Variants in WDFY3 observed in about 807,000 individuals in gnomAD.
WDFY3 encodes the protein WD repeat and FYVE domain containing 3.
WDFY3 carries 66 observed loss-of-function variants against 409.6 expected under a neutral mutation model. The ratio of observed to expected loss-of-function variants is 0.16; its 90% CI spans 0.13 to 0.20. The LOEUF (loss-of-function observed/expected upper bound fraction) is 0.20, where lower values mean the gene tolerates loss of function less well. Ranked by LOEUF, WDFY3 falls within the 10% of genes least tolerant of loss-of-function variation. WDFY3 has a pLI of 1.00. For missense variants in WDFY3, 3,031 were observed against 4,298.1 expected, an observed-to-expected ratio of 0.71 and a Z score of 8.24; for synonymous variants, 1,521 against 1,537.1, an observed-to-expected ratio of 0.99 and a Z score of 0.25.
chr4:84,704,294 G>A, intron 55 of WDFY3, 44 bp downstream of exon 55: 4 of 1,370,278 alleles, frequency 2.9e-6, no homozygotes, highest in Non-Finnish European at 4.0e-6. Context: ...TTAGATAGAA[G>A]TAGGCTTGTA....
chr4:84,840,410 C>G (rs1190964904), intron 6 of WDFY3, among the ~76,000 whole-genome samples: 1 of 152,044 alleles, frequency 6.6e-6, no homozygotes, highest in Non-Finnish European at 1.5e-5. Flanking sequence ...TCTTTATAAG[C>G]TGAGTAACCT....
chr4:84,773,211 G>C (rs1744975724), intron 29 of WDFY3, among the ~76,000 whole-genome samples: 1 of 151,934 alleles, frequency 6.6e-6, no homozygotes, highest in Non-Finnish European at 1.5e-5. Context: ...ATCTTAACTA[G>C]CCTTTTAAGG....
At chr4:84,765,434 A>G (rs1159474830) in intron 32 of WDFY3, among the ~76,000 whole-genome samples, 8 of 152,182 alleles carry the variant, frequency 5.3e-5, no homozygotes, top group Non-Finnish European at 4.4e-5. Flanking sequence ...TTGTGATGAA[A>G]TGTTATTGCC....
intron 1 of WDFY3, among the ~76,000 whole-genome samples, chr4:84,950,948 AC>A (rs1226748328): frequency 6.6e-6 from 1 of 152,188 alleles, no homozygotes; most frequent in Non-Finnish European, 1.5e-5. Flanking sequence ...GGAGGGCCTT[AC>A]CCTAAGGAGA....
intron 67 of WDFY3, among the ~76,000 whole-genome samples, chr4:84,673,539 G>A (rs929965743): frequency 2.0e-5 from 3 of 152,116 alleles, no homozygotes; most frequent in African/African-American, 7.2e-5. Flanking sequence ...TAAACATTTT[G>A]ATTGATCCAC....
rs186391376 is a variant in WDFY3, at chr4:84,956,809, G to C, written c.-226+9400C>G. Among the ~76,000 whole-genome samples, 20 of 151,970 alleles carry C rather than the reference G, an allele frequency of 1.3e-4. No individual in the cohort carries two copies. The East Asian group carries it at 2.1e-3, about 16-fold the overall frequency. ...ATTGGATCAGCATAATGATAAAAAGGGTTGTCTCCATACACCTCCAAGCCT... is the reference window on the plus strand; with the variant it reads ...ATTGGATCAGCATAATGATAAAAAGCGTTGTCTCCATACACCTCCAAGCCT... On this transcript the variant is annotated intron_variant, in intron 1 of 67. Coordinates refer to ENST00000295888, the MANE Select transcript of WDFY3 (RefSeq NM_014991.6).
chr4:84,780,929 T>G (rs1746400760), intron 25 of WDFY3, among the ~76,000 whole-genome samples: 1 of 152,160 alleles, frequency 6.6e-6, no homozygotes, highest in African/African-American at 2.4e-5. Context: ...TGGGCTGTAC[T>G]CAAAAGTAAG....
chr4:84,889,829 T>C (rs185503444), intron 3 of WDFY3, among the ~76,000 whole-genome samples: 7 of 152,230 alleles, frequency 4.6e-5, no homozygotes, highest in African/African-American at 9.6e-5. Context: ...ATGATTAGAA[T>C]TGGTCACTGC....
intron 6 of WDFY3, among the ~76,000 whole-genome samples, 173 bp from the exon 7 acceptor site, chr4:84,837,263 A>G (rs930289147): frequency 2.0e-5 from 3 of 152,222 alleles, no homozygotes; most frequent in African/African-American, 7.2e-5. Context: ...CATCTGAACA[A>G]TTTTGCTTTA....
intron 59 of WDFY3, 36 bp downstream of exon 59, chr4:84,692,849 A>T (rs1461266275): frequency 1.3e-6 from 2 of 1,561,598 alleles, no homozygotes; most frequent in Non-Finnish European, 8.6e-7. Context: ...AATCCCATTA[A>T]ATCATTAATC....
At chr4:84,799,567 G>T (rs1750130477) in intron 17 of WDFY3, among the ~76,000 whole-genome samples, 1 of 151,888 alleles carries the variant, frequency 6.6e-6, no homozygotes, top group African/African-American at 2.4e-5. Flanking sequence ...CTGTAACACT[G>T]CTATTACGAA....
In WDFY3 at chr4:84,705,009, AT is replaced by A. The variant is rs1172782282; in HGVS notation, c.8335+384del. ...AACTATAAGGTTTTAGAGTATAGTAATTTTTTTTAAATGCAAAAGGGTTCCA... is the reference window on the plus strand; with the variant it reads ...AACTATAAGGTTTTAGAGTATAGTAATTTTTTTAAATGCAAAAGGGTTCCA... On this transcript the variant is annotated intron_variant, in intron 54 of 67. Transcript: ENST00000295888. 3.3e-5 allele frequency among the ~76,000 whole-genome samples: 5 copies of A among 152,018 alleles called. No homozygotes were observed. In the East Asian group the frequency reaches 5.8e-4, roughly 18 times the overall value.
intron 4 of WDFY3, among the ~76,000 whole-genome samples, chr4:84,850,700 TGAA>T (rs1758792717): frequency 6.6e-6 from 1 of 152,034 alleles, no homozygotes; most frequent in African/African-American, 2.4e-5. Context: ...CACTGGATGG[TGAA>T]AAGCAGCTCT....
intron 3 of WDFY3, among the ~76,000 whole-genome samples, chr4:84,861,581 C>A (rs1760638002): frequency 6.6e-6 from 1 of 151,886 alleles, no homozygotes; most frequent in South Asian, 2.1e-4. Flanking sequence ...CATGTTAAAT[C>A]ATTTAGTGGA....
intron 5 of WDFY3, among the ~76,000 whole-genome samples, chr4:84,843,710 C>A (rs780858221): frequency 6.6e-6 from 1 of 152,056 alleles, no homozygotes; most frequent in African/African-American, 2.4e-5. Context: ...CCCAGCCTCA[C>A]GTTTTATTTT....
At chr4:84,937,268 TCA>T (rs1171084937) in intron 1 of WDFY3, among the ~76,000 whole-genome samples, 1 of 152,126 alleles carries the variant, frequency 6.6e-6, no homozygotes, top group African/African-American at 2.4e-5. Flanking sequence ...GCATGACATA[TCA>T]CATGCTGATA....
rs935865818 is a variant in WDFY3, at chr4:84,870,715, G to A, written c.-31-10093C>T. Among the ~76,000 whole-genome samples the A allele has an allele frequency of 2.0e-5, 3 of 152,048 alleles. No individual in the cohort carries two copies. The East Asian group carries it at 5.8e-4, about 29-fold the overall frequency. ...TCCACTCCAGCCCCTTTGCCTTCTG[G>A]TCTCACTTGAGGTCCAGGAAGGGAA... On this transcript the variant is annotated intron_variant, in intron 3 of 67. Transcript: ENST00000295888.
intron 57 of WDFY3, among the ~76,000 whole-genome samples, chr4:84,696,387 T>C (rs1730147132): frequency 6.6e-6 from 1 of 152,226 alleles, no homozygotes; most frequent in Non-Finnish European, 1.5e-5. Context: ...ATTATATTTA[T>C]GAGAGTGAGA....
intron 53 of WDFY3, among the ~76,000 whole-genome samples, chr4:84,707,854 A>G (rs912054391): frequency 6.6e-6 from 1 of 152,198 alleles, no homozygotes; most frequent in Admixed American, 6.5e-5. Context: ...AAATGAACTA[A>G]CGTACACCCA....
Sources: allele counts gnomAD v4.1 joint callset (sites outside exome capture counted in the v4.1 genomes callset), GRCh38; gene constraint gnomAD v4.1.1; transcripts MANE v1.5; gene names NCBI Gene and HGNC (gene_info 2026-07-23, HGNC 2026-07-21).